The following TJP1 variants were observed in gnomAD, a reference collection of about 807,000 sequenced individuals.
The protein encoded by TJP1 is tight junction protein ZO-1.
TJP1 carries 43 observed loss-of-function variants against 194.2 expected under a neutral mutation model. The observed-to-expected ratio is 0.22, with a 90% CI of 0.17 to 0.29. The LOEUF (loss-of-function observed/expected upper bound fraction) is 0.29. Among genes scored for constraint, TJP1 ranks in the 10% least tolerant of loss-of-function variants. The pLI, the probability that TJP1 is intolerant of heterozygous loss-of-function variation, is 1.00. For synonymous variants in TJP1, 801 were observed against 779.0 expected, an observed-to-expected ratio of 1.03 and a Z score of -0.47; for missense variants, 1,971 against 2,185.7, an observed-to-expected ratio of 0.90 and a Z score of 1.96.
At chr15:29,871,013 C>A (rs1391899646) in intron 2 of TJP1, among the ~76,000 whole-genome samples, 1 of 152,206 alleles carries the variant, frequency 6.6e-6, no homozygotes, top group East Asian at 1.9e-4. Context: ...CCAGCCACCT[C>A]CTCAACGCTA....
intron 1 of TJP1, among the ~76,000 whole-genome samples, chr15:29,821,046 A>G (rs2050301588): frequency 6.6e-6 from 1 of 152,214 alleles, no homozygotes; most frequent in African/African-American, 2.4e-5. Flanking sequence ...TAATGAATTG[A>G]TATTCTTTAA....
chr15:29,771,797 TC>T (rs1286736112), intron 4 of TJP1, among the ~76,000 whole-genome samples: 6 of 146,544 alleles, frequency 4.1e-5, no homozygotes, highest in African/African-American at 1.5e-4. Flanking sequence ...AGAGCGAGAC[TC>T]CGTCTCAAAA....
chr15:29,950,177 T>TCCA (rs1236375226), intron 2 of TJP1, among the ~76,000 whole-genome samples: 1 of 57,962 alleles, frequency 1.7e-5, no homozygotes, highest in South Asian at 8.0e-4. Context: ...AACCACTACC[T>TCCA]CCACCTCCAC....
intron 1 of TJP1, among the ~76,000 whole-genome samples, chr15:29,963,126 A>G (rs1336162051): frequency 6.6e-6 from 1 of 152,158 alleles, no homozygotes; most frequent in African/African-American, 2.4e-5. Flanking sequence ...GGGTGACAAG[A>G]GTGAAACTTC....
intron 15 of TJP1, among the ~76,000 whole-genome samples, chr15:29,729,713 G>A (rs544502400): frequency 6.7e-4 from 102 of 151,978 alleles, no homozygotes; most frequent in African/African-American, 2.4e-3. Context: ...CCAGCTACTC[G>A]GGAGGCTGAG....
chr15:29,775,748 CAT>C (rs1156368001), intron 2 of TJP1, among the ~76,000 whole-genome samples: 1 of 152,084 alleles, frequency 6.6e-6, no homozygotes, highest in Non-Finnish European at 1.5e-5. Flanking sequence ...CATTAGAAAA[CAT>C]AAGACACTAC....
At chr15:29,800,498 A>C in intron 2 of TJP1, 148 bp downstream of exon 2, 1 of 705,722 alleles carries the variant, frequency 1.4e-6, no homozygotes, top group Non-Finnish European at 2.4e-6. Context: ...CTTAATAAAA[A>C]ATTATTGTAA....
intron 2 of TJP1, among the ~76,000 whole-genome samples, chr15:29,902,008 A>T (rs989254986): frequency 6.6e-6 from 1 of 152,154 alleles, no homozygotes; most frequent in African/African-American, 2.4e-5. Flanking sequence ...TTAGAATAAT[A>T]TGAAAAAAGA....
In TJP1 at chr15:29,727,803, G is replaced by C. The variant is rs2043335767; in HGVS notation, c.2100+134C>G. On this transcript the variant is annotated intron_variant, in intron 16 of 27. Transcript: ENST00000614355. Reference sequence around the variant, plus strand: ...AAAGTAATCATTATAATGCTTTTCAGTAAGGGCTTAATTTTCTTATAGTAT... The same window carrying C: ...AAAGTAATCATTATAATGCTTTTCACTAAGGGCTTAATTTTCTTATAGTAT... 4.5e-6 allele frequency: 3 copies of C among 661,752 alleles called. No individual in the cohort carries two copies. In the South Asian group the frequency reaches 5.9e-5, roughly 13 times the overall value. 41.0% of individuals were successfully genotyped at this position (661,752 alleles called of 1,614,324 possible).
At chr15:29,769,905 AT>A (rs760268932) in intron 4 of TJP1, among the ~76,000 whole-genome samples, 5 of 151,234 alleles carry the variant, frequency 3.3e-5, no homozygotes, top group South Asian at 2.1e-4. Context: ...CCCTCTACTT[AT>A]TTTTTTTTCT....
chr15:29,726,589 G>A, intron 17 of TJP1, 110 bp from the exon 18 acceptor site: 7 of 1,217,252 alleles, frequency 5.8e-6, no homozygotes, highest in South Asian at 1.4e-5. Context: ...GGTATCTGAG[G>A]ATGCAAACAT....
Position 29,737,424 on chromosome 15 carries a change from C to G in TJP1, c.1257-10G>C, listed in dbSNP as rs756903639. 29 of 1,613,938 alleles carry G rather than the reference C, an allele frequency of 1.8e-5. 1 individual carries two copies. The East Asian group carries it at 6.2e-4, about 35-fold the overall frequency. ...CAATTTCATGCTGGGCCTGTTAAAA[C>G]AGATATTTCATTTGAAACAGTTAAG... On this transcript the variant is annotated splice_polypyrimidine_tract_variant and intron_variant, in intron 10 of 27. Coordinates refer to ENST00000614355, the MANE Select transcript of TJP1 (RefSeq NM_001330239.4).
At chr15:29,959,126 A>T (rs1316765591) in intron 1 of TJP1, among the ~76,000 whole-genome samples, 1 of 151,622 alleles carries the variant, frequency 6.6e-6, no homozygotes, top group Non-Finnish European at 1.5e-5. Flanking sequence ...GGCAGCTGGG[A>T]CTACAGGCGC....
At chr15:29,870,199 G>C (rs1342987120) in intron 2 of TJP1, among the ~76,000 whole-genome samples, 1 of 151,362 alleles carries the variant, frequency 6.6e-6, no homozygotes, top group African/African-American at 2.4e-5. Context: ...AATAACATTA[G>C]ATGGATGAAC....
intron 2 of TJP1, among the ~76,000 whole-genome samples, chr15:29,844,634 C>T (rs943940649): frequency 1.3e-5 from 2 of 152,092 alleles, no homozygotes; most frequent in Admixed American, 1.3e-4. Context: ...AAGGACAGCA[C>T]AGCCATCTAG....
intron 24 of TJP1, among the ~76,000 whole-genome samples, chr15:29,709,901 CTT>C (rs2042130413): frequency 6.6e-6 from 1 of 152,082 alleles, no homozygotes; most frequent in Non-Finnish European, 1.5e-5. Context: ...TCCCAGCACT[CTT>C]GAGAGGCCGA....
chr15:29,793,044 T>C (rs985278110), intron 2 of TJP1, among the ~76,000 whole-genome samples: 3 of 152,220 alleles, frequency 2.0e-5, no homozygotes, highest in Non-Finnish European at 2.9e-5. Flanking sequence ...TAAGATACTA[T>C]TGTCTGCAAA....
chr15:29,913,636 C>T (rs943168530), intron 2 of TJP1, among the ~76,000 whole-genome samples: 2 of 151,996 alleles, frequency 1.3e-5, no homozygotes, highest in Non-Finnish European at 1.5e-5. Context: ...TTATGAAGAT[C>T]GCATTTCTGG....
chr15:29,834,957 G>A (rs2050975915), intron 2 of TJP1, among the ~76,000 whole-genome samples: 1 of 152,180 alleles, frequency 6.6e-6, no homozygotes, highest in Non-Finnish European at 1.5e-5. Flanking sequence ...GGACACACAT[G>A]GCGAAGGCAT....
Sources: gnomAD v4.1 joint callset for allele counts (sites outside exome capture counted in the v4.1 genomes callset) on GRCh38, gnomAD v4.1.1 for gene constraint, MANE v1.5 for transcripts, NCBI Gene and HGNC (gene_info 2026-07-23, HGNC 2026-07-21) for gene names.